CELF2: variants seen among roughly 807,000 people sequenced by gnomAD.
CELF2 encodes CUG triplet repeat RNA-binding protein 2.
In CELF2, 8 loss-of-function variants were observed where a neutral mutation model predicts 62.6. The ratio of observed to expected loss-of-function variants is 0.13; its 90% CI spans 0.07 to 0.23. The LOEUF (loss-of-function observed/expected upper bound fraction) is 0.23, where lower values mean the gene tolerates loss of function less well. CELF2 is among the 10% of genes least tolerant of loss of function. The pLI is 1.00. For missense variants in CELF2, 333 were observed against 671.0 expected (o/e 0.50, Z 5.56); for synonymous variants, 258 against 250.0 (o/e 1.03, Z -0.30).
rs376891917 is a variant in CELF2, at chr10:11,197,048, A to AG, written c.272-20376dup. ...AGAAAAGAAAGAAAGAAAGAAAGAA[A>AG]GAAAGAAAGAAAAGAAAGAAAGGAA... On this transcript the variant is annotated intron_variant, in intron 2 of 12. Transcript: ENST00000633077. 2.5e-4 allele frequency among the ~76,000 whole-genome samples: 5 copies of AG among 19,734 alleles called. 2 individuals carry two copies. Among genetic ancestry groups the AG allele is most frequent in the African/African-American group, 1.6e-3 (5 of 3,218 alleles). The allele number at this position is 19,734 out of a possible 152,430, so 12.9% of individuals were successfully genotyped here. A position where few individuals can be genotyped will look rare whatever the true frequency, so the allele number is the denominator to read the frequency against.
the CELF2 span, among the ~76,000 whole-genome samples, chr10:10,671,036 A>G: frequency 1.3e-5 from 2 of 151,958 alleles, no homozygotes; most frequent in East Asian, 1.9e-4. Context: ...GCACGGTGGC[A>G]TGTACCTGCA....
At chr10:10,506,730 G>A in the CELF2 span, among the ~76,000 whole-genome samples, 1 of 133,866 alleles carries the variant, frequency 7.5e-6, no homozygotes, top group Non-Finnish European at 1.5e-5. Context: ...AGGCTGGAGT[G>A]CAGAGGTGCA....
chr10:11,045,447 A>G (rs569088705), intron 1 of CELF2, among the ~76,000 whole-genome samples: 1 of 152,272 alleles, frequency 6.6e-6, no homozygotes, highest in African/African-American at 2.4e-5. Flanking sequence ...TTTATCTTCC[A>G]ATATTCAGTG....
chr10:10,473,571 T>C, the CELF2 span, among the ~76,000 whole-genome samples: 1 of 152,076 alleles, frequency 6.6e-6, no homozygotes, highest in African/African-American at 2.4e-5. Flanking sequence ...GATTTAAGAA[T>C]GTAAAATTAA....
At chr10:10,537,108 A>G in the CELF2 span, among the ~76,000 whole-genome samples, 18 of 152,216 alleles carry the variant, frequency 1.2e-4, no homozygotes, top group African/African-American at 3.9e-4. Context: ...GAGGCAAACA[A>G]GAGGGAGGAA....
At chr10:10,818,546 C>CTTTTTTTTTTTTTTTTTTTT (rs3028992) in intron 1 of CELF2, among the ~76,000 whole-genome samples, 1 of 116,538 alleles carries the variant, frequency 8.6e-6, no homozygotes. Context: ...TAAATATTTC[C>CTTTTTTTTTTTTTTTTTTTT]TTTTTTTTTT....
intron 3 of CELF2, among the ~76,000 whole-genome samples, chr10:11,226,596 G>A (rs1368023048): frequency 1.6e-5 from 2 of 123,910 alleles, no homozygotes; most frequent in Non-Finnish European, 3.3e-5. Flanking sequence ...TGGGCAGGCA[G>A]TGGCCACACA....
intron 1 of CELF2, among the ~76,000 whole-genome samples, chr10:11,120,015 A>G (rs1750734): frequency 0.56 from 84,377 of 151,806 alleles, 24,106 homozygotes; most frequent in East Asian, 0.81. Flanking sequence ...TTATGCTTCC[A>G]TTTCCCAGCT....
At chr10:10,595,551 C>A in the CELF2 span, among the ~76,000 whole-genome samples, 2 of 152,158 alleles carry the variant, frequency 1.3e-5, no homozygotes, top group African/African-American at 4.8e-5. Flanking sequence ...TAAGACAGGA[C>A]TACTGGTGTG....
the CELF2 span, among the ~76,000 whole-genome samples, chr10:10,608,284 G>A: frequency 6.6e-6 from 1 of 152,290 alleles, no homozygotes; most frequent in South Asian, 2.1e-4. Context: ...GGAGCTGCTT[G>A]AATGAGAAGA....
Position 11,116,959 on chromosome 10 carries a change from A to G in CELF2, c.75-48527A>G, listed in dbSNP as rs573542487. ...ATGACAGTCATATGATTTAAGTGGT[A>G]TGATCACCCTCTTTTTAGCGATAAG... On this transcript the variant is annotated intron_variant, in intron 1 of 12. Coordinates refer to ENST00000633077, the MANE Select transcript of CELF2 (RefSeq NM_001326342.2). Among the ~76,000 whole-genome samples the G allele has an allele frequency of 3.9e-5, 6 of 152,314 alleles. No homozygotes were observed. In the South Asian group the frequency reaches 1.0e-3, roughly 26 times the overall value.
intron 2 of CELF2, among the ~76,000 whole-genome samples, chr10:10,978,420 A>G (rs2051625198): frequency 6.6e-6 from 1 of 152,194 alleles, no homozygotes; most frequent in African/African-American, 2.4e-5. Flanking sequence ...ATTTACATTT[A>G]TGCTTTTATT....
chr10:11,110,348 T>C lies in CELF2; in HGVS notation c.75-55138T>C, dbSNP rs1021453913. On this transcript the variant is annotated intron_variant, in intron 1 of 12. Coordinates refer to ENST00000633077, the MANE Select transcript of CELF2 (RefSeq NM_001326342.2). This position sits in a 1 kb window ranked among gnomAD's most constrained non-coding sequence, Gnocchi z 4.0. ...GATGTATTACTAGAGTGTGATTTTC[T>C]GTGTGAGTATTCATCCCCGTCATTG... 6.6e-6 allele frequency among the ~76,000 whole-genome samples: 1 copy of C among 152,234 alleles called. No homozygotes were observed. Among genetic ancestry groups the C allele is most frequent in the East Asian group, 1.9e-4 (1 of 5,202 alleles).
chr10:10,503,257 G>A, the CELF2 span, among the ~76,000 whole-genome samples: 1 of 151,982 alleles, frequency 6.6e-6, no homozygotes, highest in South Asian at 2.1e-4. Context: ...TTGACGGGTG[G>A]TGTTGAGTTC....
chr10:10,657,498 C>T, the CELF2 span, among the ~76,000 whole-genome samples: 2 of 151,930 alleles, frequency 1.3e-5, no homozygotes, highest in Admixed American at 6.6e-5. Flanking sequence ...AATTGTAACT[C>T]AATAAAGCTG....
intron 2 of CELF2, among the ~76,000 whole-genome samples, chr10:11,000,101 A>G (rs1442995304): frequency 6.6e-6 from 1 of 152,236 alleles, no homozygotes; most frequent in Non-Finnish European, 1.5e-5. Flanking sequence ...TGATCTCTCC[A>G]TTGTGAACAT....
intron 3 of CELF2, among the ~76,000 whole-genome samples, chr10:11,226,957 A>T (rs1355082951): frequency 3.9e-5 from 6 of 152,212 alleles, no homozygotes; most frequent in Non-Finnish European, 5.9e-5. Context: ...ACAGGCTTTC[A>T]GTCCCAATCC....
the CELF2 span, among the ~76,000 whole-genome samples, chr10:10,613,891 C>T: frequency 6.6e-6 from 1 of 152,104 alleles, no homozygotes; most frequent in African/African-American, 2.4e-5. Context: ...TACTGATGTC[C>T]CTTGGATTTA....
intron 7 of CELF2, among the ~76,000 whole-genome samples, chr10:11,273,715 G>GTTTT (rs1555042453): frequency 6.6e-6 from 1 of 150,414 alleles, no homozygotes; most frequent in Non-Finnish European, 1.5e-5. Flanking sequence ...TGAAAGTTTT[G>GTTTT]TTTTTTTGTT....
Sources: allele counts gnomAD v4.1 joint callset (sites outside exome capture counted in the v4.1 genomes callset), GRCh38; gene constraint gnomAD v4.1.1; non-coding constraint Gnocchi (gnomAD v3.1); transcripts MANE v1.5; gene names NCBI Gene and HGNC (gene_info 2026-07-23, HGNC 2026-07-21).